FRS2: variants seen among roughly 807,000 people sequenced by gnomAD.
FRS2 encodes fibroblast growth factor receptor substrate 2.
A neutral mutation model predicts 43.9 loss-of-function variants in FRS2; 8 were observed. The ratio of observed to expected loss-of-function variants is 0.18; its 90% CI spans 0.11 to 0.33. The LOEUF (loss-of-function observed/expected upper bound fraction) is 0.33, where lower values mean the gene tolerates loss of function less well. Ranked by LOEUF, FRS2 falls within the 10% of genes least tolerant of loss-of-function variation. The pLI is 1.00. For missense variants in FRS2, 534 were observed against 627.6 expected, an observed-to-expected ratio of 0.85 and a Z score of 1.59; for synonymous variants, 219 against 220.3, an observed-to-expected ratio of 0.99 and a Z score of 0.05.
rs1876852299 is a variant in FRS2 at position 69,532,035 on chromosome 12, T to C, written c.-143T>C. ...TTAGGAACAAAATTGTATCTGTTTT[T>C]CTCAGAAGAGAATTCCACAAGGTAA... On this transcript the variant is annotated 5_prime_UTR_variant, in exon 3 of 9. Coordinates refer to ENST00000549921, the MANE Select transcript of FRS2 (RefSeq NM_001278356.2). 6.6e-6 allele frequency: 1 copy of C among 152,654 alleles called. No homozygotes were observed. The highest frequency in any genetic ancestry group is 2.4e-5 in the African/African-American group (1 of 41,466). 9.5% of individuals were successfully genotyped at this position (152,654 alleles called of 1,614,324 possible). A position where few individuals can be genotyped will look rare whatever the true frequency, so the allele number is the denominator to read the frequency against.
intron 1 of FRS2, among the ~76,000 whole-genome samples, chr12:69,471,821 C>T (rs1003239358): frequency 2.0e-5 from 3 of 152,236 alleles, no homozygotes; most frequent in Non-Finnish European, 4.4e-5. Context: ...CTGCAACTCT[C>T]ATCTTGTGTG....
chr12:69,514,322 G>A (rs1310093766), intron 1 of FRS2, among the ~76,000 whole-genome samples: 1 of 152,110 alleles, frequency 6.6e-6, no homozygotes, highest in African/African-American at 2.4e-5. Context: ...ACCTGTCCCA[G>A]CAACACTGCT....
chr12:69,547,535 TAAA>T (rs1321358819), intron 3 of FRS2, among the ~76,000 whole-genome samples: 1 of 152,130 alleles, frequency 6.6e-6, no homozygotes, highest in Non-Finnish European at 1.5e-5. Context: ...TTTACCACAA[TAAA>T]AAAGTAGAAA....
intron 3 of FRS2, among the ~76,000 whole-genome samples, chr12:69,539,598 A>G (rs1274261697): frequency 1.3e-5 from 2 of 152,154 alleles, no homozygotes; most frequent in East Asian, 3.9e-4. Flanking sequence ...AAAAATTCTC[A>G]GAATTTTCCA....
chr12:69,527,342 G>GGTTTTT (rs1294936661), intron 1 of FRS2, among the ~76,000 whole-genome samples: 2 of 33,146 alleles, frequency 6.0e-5, no homozygotes, highest in Non-Finnish European at 1.0e-4. Context: ...TTTTTTTAAT[G>GGTTTTT]ATTTTTTTTT....
At chr12:69,542,073 G>A (rs765229492) in intron 3 of FRS2, among the ~76,000 whole-genome samples, 39 of 151,990 alleles carry the variant, frequency 2.6e-4, no homozygotes, top group Non-Finnish European at 4.4e-5. Context: ...TATTATCAGG[G>A]CCATATATTA....
intron 1 of FRS2, among the ~76,000 whole-genome samples, chr12:69,514,649 A>C (rs1968692): frequency 0.08 from 12,179 of 152,120 alleles, 1,012 homozygotes; most frequent in East Asian, 0.38. Context: ...CCTGGCCAAC[A>C]TGGCGAAACC....
chr12:69,524,550 T>C (rs1263977506), intron 1 of FRS2, among the ~76,000 whole-genome samples: 1 of 151,810 alleles, frequency 6.6e-6, no homozygotes, highest in Non-Finnish European at 1.5e-5. Flanking sequence ...GTGGCCAGGG[T>C]GGGACCCTGG....
rs77903108 is a variant in FRS2 at position 69,560,961 on chromosome 12, A to G, written c.-121-1219A>G. Among the ~76,000 whole-genome samples the G allele has an allele frequency of 2.0e-5, 3 of 152,284 alleles. No homozygotes were observed. In the East Asian group the frequency reaches 5.8e-4, roughly 29 times the overall value. On this transcript the variant is annotated intron_variant, in intron 3 of 8. Transcript: ENST00000549921. ...GTGCAGTCATTAAATTCATTGCAGG[A>G]TAAGGGTTGCAGAATGCTTATAAGT...
intron 3 of FRS2, among the ~76,000 whole-genome samples, chr12:69,552,911 T>C (rs1879022044): frequency 6.6e-6 from 1 of 150,946 alleles, no homozygotes; most frequent in Non-Finnish European, 1.5e-5. Context: ...AAAAGTAAAC[T>C]AAAAAGGAAT....
chr12:69,567,617 G>T (rs1204496528), intron 4 of FRS2, among the ~76,000 whole-genome samples: 1 of 152,198 alleles, frequency 6.6e-6, no homozygotes, highest in Non-Finnish European at 1.5e-5. Context: ...AGCCCAGGGT[G>T]CTTTGGGTTA....
chr12:69,498,242 T>A (rs1305419533), intron 1 of FRS2, among the ~76,000 whole-genome samples: 1 of 152,092 alleles, frequency 6.6e-6, no homozygotes, highest in East Asian at 1.9e-4. Context: ...AAACAATAAT[T>A]TTATGTTGTG....
At chr12:69,549,823 T>G (rs1276074022) in intron 3 of FRS2, among the ~76,000 whole-genome samples, 1 of 152,258 alleles carries the variant, frequency 6.6e-6, no homozygotes, top group Non-Finnish European at 1.5e-5. Context: ...CCATCTCACC[T>G]TGCCTCAGTC....
At position 69,550,136 on chromosome 12, in the gene FRS2, T is replaced by TA. The variant is rs554669204; in HGVS notation, c.-121-12041dup. Among the ~76,000 whole-genome samples, 10 of 152,352 alleles carry TA rather than the reference T, an allele frequency of 6.6e-5. No individual in the cohort carries two copies. The East Asian group carries it at 1.9e-3, about 29-fold the overall frequency. ...ATTCAAAACTGAGCTTATGTTTTTCTAAATCTTGTGTCCTTCCTATGTTCC... is the reference window on the plus strand; with the variant it reads ...ATTCAAAACTGAGCTTATGTTTTTCTAAAATCTTGTGTCCTTCCTATGTTCC... On this transcript the variant is annotated intron_variant, in intron 3 of 8. Transcript: ENST00000549921.
chr12:69,478,031 G>A (rs221079), intron 1 of FRS2, among the ~76,000 whole-genome samples: 14,186 of 152,054 alleles, frequency 0.093, 877 homozygotes, highest in Non-Finnish European at 0.14. Context: ...GTGAGCCACC[G>A]CGCCCGGCTG....
chr12:69,547,047 A>G (rs776436), intron 3 of FRS2, among the ~76,000 whole-genome samples: 59,078 of 152,048 alleles, frequency 0.39, 12,091 homozygotes, highest in South Asian at 0.58. Context: ...AAAGGAAGGA[A>G]ATTCTGTAAT....
chr12:69,508,310 T>C (rs1874145756), intron 1 of FRS2, among the ~76,000 whole-genome samples: 1 of 152,176 alleles, frequency 6.6e-6, no homozygotes, highest in African/African-American at 2.4e-5. Context: ...CAAATATCTA[T>C]TCTTAGGGAG....
chr12:69,495,558 T>C (rs1202503085), intron 1 of FRS2, among the ~76,000 whole-genome samples: 1 of 152,196 alleles, frequency 6.6e-6, no homozygotes, highest in Non-Finnish European at 1.5e-5. Flanking sequence ...TTTGGGTGGG[T>C]AGTTCTCTAG....
chr12:69,530,643 T>C (rs1333906906), intron 1 of FRS2, among the ~76,000 whole-genome samples: 2 of 152,006 alleles, frequency 1.3e-5, no homozygotes, highest in African/African-American at 2.4e-5. Flanking sequence ...CTCAGAAGGC[T>C]GAGGTGGGAG....
Sources: gnomAD v4.1 joint callset for allele counts (sites outside exome capture counted in the v4.1 genomes callset) on GRCh38, gnomAD v4.1.1 for gene constraint, MANE v1.5 for transcripts, NCBI Gene and HGNC (gene_info 2026-07-23, HGNC 2026-07-21) for gene names.